Variants in DLGAP2 observed in about 807,000 individuals in gnomAD.
The protein encoded by DLGAP2 is disks large-associated protein 2.
In DLGAP2, 26 loss-of-function variants were observed where a neutral mutation model predicts 100.3. That is an observed-to-expected ratio of 0.26 (90% CI 0.19 to 0.36). DLGAP2 has a LOEUF of 0.36. Ranked by LOEUF, DLGAP2 falls within the 10% of genes least tolerant of loss-of-function variation. The pLI is 1.00. For missense variants in DLGAP2, 1,858 were observed against 1,453.2 expected (o/e 1.28, Z -4.53); for synonymous variants, 886 against 630.1 (o/e 1.41, Z -6.08).
chr8:1,277,941 A>G (rs1799737773), intron 3 of DLGAP2, among the ~76,000 whole-genome samples: 2 of 152,240 alleles, frequency 1.3e-5, no homozygotes, highest in Admixed American at 1.3e-4. Flanking sequence ...ACATGATTCT[A>G]GATTGGGTAT....
intron 4 of DLGAP2, among the ~76,000 whole-genome samples, chr8:1,509,979 A>C (rs1164025274): frequency 1.3e-5 from 2 of 152,198 alleles, no homozygotes; most frequent in East Asian, 3.9e-4. Context: ...ACAGATGTCC[A>C]CGTTAACTTC....
chr8:829,323 T>G (rs1250485552), intron 1 of DLGAP2, among the ~76,000 whole-genome samples: 5 of 152,250 alleles, frequency 3.3e-5, no homozygotes, highest in Non-Finnish European at 2.9e-5. Flanking sequence ...TGATGAAGTT[T>G]GTTCCACCTG....
At position 803,738 on chromosome 8, in the gene DLGAP2, C is replaced by T. The variant is rs557043185; in HGVS notation, c.18+65913C>T. 3.9e-5 allele frequency among the ~76,000 whole-genome samples: 6 copies of T among 152,282 alleles called. No homozygotes were observed. In the South Asian group the frequency reaches 1.2e-3, roughly 32 times the overall value. On this transcript the variant is annotated intron_variant, in intron 1 of 14. Coordinates refer to ENST00000637795, the MANE Select transcript of DLGAP2 (RefSeq NM_001346810.2). ...CAAAGGGATGTTTTACTATTTTAGC[C>T]AGAGAAACGTGCTGTACTTTGAATT...
chr8:947,227 C>T (rs973079948), intron 2 of DLGAP2, among the ~76,000 whole-genome samples: 1 of 152,150 alleles, frequency 6.6e-6, no homozygotes, highest in Non-Finnish European at 1.5e-5. Context: ...ATCTGCAGGG[C>T]TGCCCCACAC....
At position 1,589,785 on chromosome 8, in the gene DLGAP2, A is replaced by T. The variant is rs80310102; in HGVS notation, c.1442+23891A>T. On this transcript the variant is annotated intron_variant, in intron 6 of 14. Transcript: ENST00000637795. ...GGAGTGGTTGGGGTTTGCTGTTAGCACCGGGGAATCCCTTGCCTTGATGGA... is the reference window on the plus strand; with the variant it reads ...GGAGTGGTTGGGGTTTGCTGTTAGCTCCGGGGAATCCCTTGCCTTGATGGA... 3.4e-4 allele frequency among the ~76,000 whole-genome samples: 52 copies of T among 152,254 alleles called. No individual in the cohort carries two copies. In the East Asian group the frequency reaches 4.6e-3, roughly 14 times the overall value.
At chr8:1,166,928 C>G (rs1043357583) in intron 2 of DLGAP2, among the ~76,000 whole-genome samples, 3 of 152,162 alleles carry the variant, frequency 2.0e-5, no homozygotes, top group South Asian at 4.2e-4. Flanking sequence ...GAGAGGACCA[C>G]GAGGCCAGGA....
intron 2 of DLGAP2, among the ~76,000 whole-genome samples, chr8:935,579 T>G (rs898208082): frequency 1.3e-5 from 2 of 152,224 alleles, no homozygotes; most frequent in African/African-American, 4.8e-5. Context: ...ACTGTATTTC[T>G]CTTGGACGGT....
intron 1 of DLGAP2, among the ~76,000 whole-genome samples, chr8:905,458 C>G (rs187973581): frequency 1.3e-5 from 2 of 152,140 alleles, no homozygotes; most frequent in Admixed American, 6.5e-5. Context: ...ATTCCCCCCC[C>G]ACAGCCCTTT....
At chr8:1,291,364 A>T (rs986735589) in intron 3 of DLGAP2, among the ~76,000 whole-genome samples, 1 of 152,066 alleles carries the variant, frequency 6.6e-6, no homozygotes, top group Non-Finnish European at 1.5e-5. Flanking sequence ...AGGAGTAGCT[A>T]TTTTTCTATC....
At chr8:1,593,479 A>AAAAT (rs894731554) in intron 6 of DLGAP2, among the ~76,000 whole-genome samples, 6 of 151,956 alleles carry the variant, frequency 3.9e-5, no homozygotes, top group East Asian at 3.9e-4. Context: ...TAATAAAATA[A>AAAAT]AAATAAATAA....
intron 3 of DLGAP2, among the ~76,000 whole-genome samples, chr8:1,294,872 AC>A (rs1218685579): frequency 4.5e-4 from 64 of 141,644 alleles, no homozygotes; most frequent in South Asian, 3.0e-3. Context: ...TTGTCTCAAA[AC>A]AAAAAAAAAC....
intron 4 of DLGAP2, among the ~76,000 whole-genome samples, chr8:1,515,617 C>T (rs1800343098): frequency 6.6e-6 from 1 of 151,960 alleles, no homozygotes; most frequent in South Asian, 2.1e-4. Flanking sequence ...TGCATGCACA[C>T]ACACATGCAG....
chr8:1,221,830 A>G (rs146743430), intron 2 of DLGAP2, among the ~76,000 whole-genome samples: 4 of 152,208 alleles, frequency 2.6e-5, no homozygotes, highest in African/African-American at 9.6e-5. Flanking sequence ...GTGTGCCTGT[A>G]TTGAATTGAA....
At chr8:1,473,385 G>A (rs1798852803) in intron 3 of DLGAP2, among the ~76,000 whole-genome samples, 2 of 152,228 alleles carry the variant, frequency 1.3e-5, no homozygotes, top group Admixed American at 6.5e-5. Context: ...CTGCAGTGAG[G>A]GAGAATCTCA....
rs532769505 is a variant in DLGAP2, at chr8:1,421,981, GA to G, written c.107-79379del. Among the ~76,000 whole-genome samples, 140 of 152,128 alleles carry G rather than the reference GA, an allele frequency of 9.2e-4. 1 individual carries two copies. The highest frequency in any genetic ancestry group is 3.2e-3 in the African/African-American group (134 of 41,524). ...ACTCCATCTCAAAAAAAAGAAAAAA[GA>G]AAAAAGAGAAAAAGTGGCGGGTAAA... On this transcript the variant is annotated intron_variant, in intron 3 of 14. Transcript: ENST00000637795.
At chr8:1,491,397 T>TCGGAGGCTTCAGGCTGCTCCCCTGATCC (rs56365838) in intron 3 of DLGAP2, among the ~76,000 whole-genome samples, 2 of 149,474 alleles carry the variant, frequency 1.3e-5, no homozygotes, top group Non-Finnish European at 3.0e-5. Context: ...CCCCCTGACC[T>TCGGAGGCTTCAGGCTGCTCCCCTGATCC]CGGAGGCTTC....
At chr8:893,089 C>G (rs541897128) in intron 1 of DLGAP2, 3 of 152,330 alleles carry the variant, frequency 2.0e-5, no homozygotes, top group African/African-American at 7.2e-5. Context: ...TACAAGATGA[C>G]CTGAAGTGAG....
intron 2 of DLGAP2, among the ~76,000 whole-genome samples, chr8:1,089,457 G>T (rs142017995): frequency 3.0e-4 from 45 of 152,272 alleles, no homozygotes; most frequent in African/African-American, 1.0e-3. Context: ...GGCCTGAATG[G>T]GCCCAGAGTC....
intron 2 of DLGAP2, among the ~76,000 whole-genome samples, chr8:1,161,155 C>T (rs1374651253): frequency 6.6e-6 from 1 of 152,192 alleles, no homozygotes; most frequent in African/African-American, 2.4e-5. Flanking sequence ...CATTTATTAA[C>T]AGTTTGCATT....
Sources: allele counts gnomAD v4.1 joint callset (sites outside exome capture counted in the v4.1 genomes callset), GRCh38; gene constraint gnomAD v4.1.1; transcripts MANE v1.5; gene names NCBI Gene and HGNC (gene_info 2026-07-23, HGNC 2026-07-21).